Variants in CDC20B observed in about 807,000 individuals in gnomAD.
CDC20B encodes cell division cycle protein 20 homolog B.
A neutral mutation model predicts 64.1 loss-of-function variants in CDC20B; 58 were observed. The ratio of observed to expected loss-of-function variants is 0.90; its 90% CI spans 0.73 to 1.13. CDC20B has a LOEUF of 1.13. Ranked by LOEUF, CDC20B falls within the 50% of genes most tolerant of loss-of-function variation. The probability of loss-of-function intolerance (pLI) is 0.00; values close to 1 mark genes in which losing one functional copy is unlikely to be tolerated. For synonymous variants in CDC20B, 243 were observed against 230.6 expected, an observed-to-expected ratio of 1.05 and a Z score of -0.49; for missense variants, 597 against 633.0, an observed-to-expected ratio of 0.94 and a Z score of 0.61.
intron 9 of CDC20B, among the ~76,000 whole-genome samples, chr5:55,123,746 T>C (rs1168975661): frequency 5.3e-5 from 8 of 152,200 alleles, no homozygotes; most frequent in African/African-American, 1.9e-4. Context: ...AATTTTTTGT[T>C]TTGTTTTTGT....
chr5:55,143,662 T>C lies in CDC20B; in HGVS notation c.356-19A>G, dbSNP rs751554659. 6 of 1,561,492 alleles carry C rather than the reference T, an allele frequency of 3.8e-6. No homozygotes were observed. The highest frequency in any genetic ancestry group is 2.0e-5 in the Admixed American group (1 of 49,546). On this transcript the variant is annotated intron_variant, in intron 3 of 11. Coordinates refer to ENST00000381375, the MANE Select transcript of CDC20B (RefSeq NM_001170402.1). ...CGGGATCCTACAAGAAAGACATTTA[T>C]CTTTGAATTTGGTTTTTAAAACAAG...
At chr5:55,136,579 G>C (rs978055778) in intron 5 of CDC20B, 1 of 150,976 alleles carries the variant, frequency 6.6e-6, no homozygotes, top group Non-Finnish European at 1.5e-5. Context: ...AAAAAAAATA[G>C]GACAAGCCAT....
intron 5 of CDC20B, 119 bp from the exon 6 acceptor site, chr5:55,133,647 C>A: frequency 2.1e-6 from 1 of 477,592 alleles, no homozygotes; most frequent in Non-Finnish European, 3.7e-6. Flanking sequence ...AATAAGTAGT[C>A]ATCATGATAA....
rs1433473230 is a variant in CDC20B at position 55,120,451 on chromosome 5, T to C, written c.1315A>G (p.Ile439Val). ...HILDINAGKS[I>V]QTPSTNSQIC... is the part of the protein sequence containing the mutation. ...TGTGAGTTTGTGCTTGGGGTCTGGA[T>C]GCTCTTCCCAGCATTTATATCCAAG... Residue 439 changes from isoleucine to valine, a missense_variant, in exon 10 of 12, where the codon ATC becomes GTC. Physicochemically the swap from Ile to Val is conservative, Grantham distance 29. This residue lies in a region of CDC20B where 353 missense variants were observed against 397.0 expected (regional missense o/e 0.89). Coordinates refer to ENST00000381375, the MANE Select transcript of CDC20B (RefSeq NM_001170402.1). The C allele has an allele frequency of 6.2e-7, 1 of 1,613,862 alleles. No individual in the cohort carries two copies. The highest frequency in any genetic ancestry group is 8.5e-7 in the Non-Finnish European group (1 of 1,179,816).
intron 4 of CDC20B, 76 bp from the exon 5 acceptor site, chr5:55,140,483 G>C: frequency 1.1e-6 from 1 of 913,892 alleles, no homozygotes; most frequent in Non-Finnish European, 1.7e-6. Flanking sequence ...GTATAATATA[G>C]AATTACAACT....
chr5:55,113,417 T>C lies in CDC20B; in HGVS notation c.*801A>G, dbSNP rs1288640877. 2.0e-5 allele frequency: 3 copies of C among 152,338 alleles called. No homozygotes were observed. The highest frequency in any genetic ancestry group is 7.2e-5 in the African/African-American group (3 of 41,438). The allele number at this position is 152,338 out of a possible 1,614,324, so 9.4% of individuals were successfully genotyped here. A position where few individuals can be genotyped will look rare whatever the true frequency, so the allele number is the denominator to read the frequency against. On this transcript the variant is annotated 3_prime_UTR_variant, in exon 12 of 12. Coordinates refer to ENST00000381375, the MANE Select transcript of CDC20B (RefSeq NM_001170402.1). ...AGAGGTTGAGGTCAAAGGTGTTTGG[T>C]AATAGGTTGTCCTTGAGAGTTGATG...
chr5:55,163,296 G>A (rs192011376), intron 2 of CDC20B, among the ~76,000 whole-genome samples: 134 of 152,064 alleles, frequency 8.8e-4, no homozygotes, highest in African/African-American at 3.0e-3. Flanking sequence ...AAGACAGGAG[G>A]ATCACTTTAG....
intron 2 of CDC20B, 82 bp from the exon 3 acceptor site, chr5:55,146,938 G>A: frequency 1.2e-6 from 1 of 864,700 alleles, no homozygotes; most frequent in Non-Finnish European, 1.9e-6. Context: ...AATTACAAAT[G>A]ACTCATCTAG....
At chr5:55,145,927 C>T (rs189560333) in intron 3 of CDC20B, among the ~76,000 whole-genome samples, 3 of 152,044 alleles carry the variant, frequency 2.0e-5, no homozygotes, top group Non-Finnish European at 2.9e-5. Flanking sequence ...TTTTCTGACT[C>T]TGTATACCAG....
chr5:55,171,587 T>C (rs1744601365), intron 2 of CDC20B, among the ~76,000 whole-genome samples: 1 of 152,184 alleles, frequency 6.6e-6, no homozygotes, highest in Admixed American at 6.5e-5. Flanking sequence ...CAATATAGGA[T>C]GTTACCACTT....
intron 2 of CDC20B, chr5:55,165,764 C>T (rs1008032644): frequency 1.3e-5 from 2 of 152,238 alleles, no homozygotes; most frequent in Non-Finnish European, 2.9e-5. Flanking sequence ...TACCTCTCGC[C>T]AGCTGCGTGA....
At chr5:55,118,897 A>G (rs1742688162) in intron 11 of CDC20B, among the ~76,000 whole-genome samples, 1 of 152,236 alleles carries the variant, frequency 6.6e-6, no homozygotes, top group Admixed American at 6.5e-5. Flanking sequence ...TCATGGTATT[A>G]TCACTACCTA....
At chr5:55,124,575 TG>T (rs2111811942) in intron 9 of CDC20B, among the ~76,000 whole-genome samples, 1 of 152,330 alleles carries the variant, frequency 6.6e-6, no homozygotes, top group Admixed American at 6.5e-5. Context: ...TTTACTTTTT[TG>T]CTTAAGCTTA....
At chr5:55,147,758 G>T (rs897708297) in intron 2 of CDC20B, among the ~76,000 whole-genome samples, 1 of 152,088 alleles carries the variant, frequency 6.6e-6, no homozygotes, top group Non-Finnish European at 1.5e-5. Flanking sequence ...TTACATATCA[G>T]TGTAAAATAT....
intron 2 of CDC20B, chr5:55,170,671 G>T (rs761653619): frequency 1.3e-5 from 7 of 534,772 alleles, no homozygotes; most frequent in Admixed American, 1.2e-4. Flanking sequence ...GAAGCAAGTG[G>T]CAGGGTAGTT....
At chr5:55,169,351 G>A (rs997976245) in intron 2 of CDC20B, among the ~76,000 whole-genome samples, 5 of 152,168 alleles carry the variant, frequency 3.3e-5, no homozygotes, top group Non-Finnish European at 7.3e-5. Flanking sequence ...AGTAGAGAAT[G>A]CGAAATATTT....
chr5:55,118,764 T>C (rs137937126), intron 11 of CDC20B, among the ~76,000 whole-genome samples: 1 of 152,306 alleles, frequency 6.6e-6, no homozygotes, highest in Non-Finnish European at 1.5e-5. Context: ...GTGTGACAGC[T>C]GAAGAATACA....
chr5:55,170,413 T>C (rs1313645528), intron 2 of CDC20B: 5 of 424,582 alleles, frequency 1.2e-5, no homozygotes, highest in East Asian at 1.4e-4. Context: ...GCATTGTAAG[T>C]ATTACTGTAT....
intron 9 of CDC20B, among the ~76,000 whole-genome samples, chr5:55,121,448 TG>T (rs1339350111): frequency 6.6e-6 from 1 of 152,218 alleles, no homozygotes; most frequent in African/African-American, 2.4e-5. Flanking sequence ...GGACCTGTTT[TG>T]GTTTTTTGTT....
Sources: gnomAD v4.1 joint callset for allele counts (sites outside exome capture counted in the v4.1 genomes callset) on GRCh38, gnomAD v4.1.1 for gene constraint, gnomAD v4.1.1 regional missense constraint, MANE v1.5 for transcripts, NCBI Gene and HGNC (gene_info 2026-07-23, HGNC 2026-07-21) for gene names.